FCHSD2: variants seen among roughly 807,000 people sequenced by gnomAD.
The protein encoded by FCHSD2 is FCH and double SH3 domains 2.
A neutral mutation model predicts 108.1 loss-of-function variants in FCHSD2; 38 were observed. That is an observed-to-expected ratio of 0.35 (90% confidence interval 0.27 to 0.46). The LOEUF (loss-of-function observed/expected upper bound fraction) is 0.46, where lower values mean the gene tolerates loss of function less well. Ranked by LOEUF, FCHSD2 falls within the 20% of genes least tolerant of loss-of-function variation. The probability of loss-of-function intolerance (pLI) is 1.00; values close to 1 mark genes in which losing one functional copy is unlikely to be tolerated. For synonymous variants in FCHSD2, 279 were observed against 314.7 expected, an observed-to-expected ratio of 0.89 and a Z score of 1.20; for missense variants, 751 against 897.8, an observed-to-expected ratio of 0.84 and a Z score of 2.09.
chr11:73,006,751 T>C (rs1034144130), intron 4 of FCHSD2, among the ~76,000 whole-genome samples: 1 of 152,270 alleles, frequency 6.6e-6, no homozygotes, highest in African/African-American at 2.4e-5. Context: ...TGTTTACTGT[T>C]TGTCTTCCCT....
intron 10 of FCHSD2, among the ~76,000 whole-genome samples, chr11:72,893,516 A>G (rs1194249273): frequency 1.3e-5 from 2 of 151,562 alleles, no homozygotes; most frequent in Non-Finnish European, 2.9e-5. Context: ...AGATCTCACT[A>G]TGTTGCCTAG....
chr11:72,849,131 C>T (rs1861221405), intron 14 of FCHSD2, among the ~76,000 whole-genome samples: 1 of 152,174 alleles, frequency 6.6e-6, no homozygotes, highest in Non-Finnish European at 1.5e-5. Context: ...CCAGGACCTT[C>T]CCTTCTGATA....
intron 2 of FCHSD2, among the ~76,000 whole-genome samples, chr11:73,130,476 T>C (rs752165237): frequency 6.6e-6 from 1 of 152,180 alleles, no homozygotes; most frequent in Non-Finnish European, 1.5e-5. Context: ...TTCAGGAGAG[T>C]ATCCTCTATT....
In FCHSD2 at chr11:72,962,828, T is replaced by C. The variant is rs545935555; in HGVS notation, c.705+21260A>G. 9.9e-5 allele frequency among the ~76,000 whole-genome samples: 15 copies of C among 152,104 alleles called. No individual in the cohort carries two copies. The South Asian group carries it at 1.0e-3, about 11-fold the overall frequency. On this transcript the variant is annotated intron_variant, in intron 8 of 19. Transcript: ENST00000409418. Reference sequence around the variant, plus strand: ...ATTTTTTTTAAGCAATTAGAGTCAATAGATTACAGAACTGCCACAAAAGTT... The same window carrying C: ...ATTTTTTTTAAGCAATTAGAGTCAACAGATTACAGAACTGCCACAAAAGTT...
intron 5 of FCHSD2, among the ~76,000 whole-genome samples, chr11:72,993,653 C>A (rs556042463): frequency 6.6e-6 from 1 of 151,002 alleles, no homozygotes; most frequent in Non-Finnish European, 1.5e-5. Flanking sequence ...CAGACTATCG[C>A]AAGGACAAAA....
intron 5 of FCHSD2, among the ~76,000 whole-genome samples, chr11:72,995,217 A>G (rs1857497870): frequency 6.6e-6 from 1 of 152,168 alleles, no homozygotes; most frequent in Non-Finnish European, 1.5e-5. Flanking sequence ...GTAAGCTTTT[A>G]TCTTGCAGAA....
intron 10 of FCHSD2, among the ~76,000 whole-genome samples, chr11:72,893,009 A>C (rs1855349112): frequency 6.8e-6 from 1 of 146,644 alleles, no homozygotes; most frequent in South Asian, 2.2e-4. Flanking sequence ...TTTTATTTTT[A>C]ATTTTTTGAG....
intron 9 of FCHSD2, among the ~76,000 whole-genome samples, chr11:72,910,762 C>T (rs1232646998): frequency 6.7e-6 from 1 of 150,062 alleles, no homozygotes; most frequent in Non-Finnish European, 1.5e-5. Context: ...CTTCTCTCCA[C>T]TATTATCCTA....
chr11:73,130,186 T>C (rs2135570611), intron 2 of FCHSD2, among the ~76,000 whole-genome samples: 1 of 152,256 alleles, frequency 6.6e-6, no homozygotes, highest in East Asian at 1.9e-4. Flanking sequence ...TAATCTCTTA[T>C]ATTTATATAC....
chr11:73,050,477 A>G (rs1216431406), intron 3 of FCHSD2, among the ~76,000 whole-genome samples: 1 of 152,228 alleles, frequency 6.6e-6, no homozygotes, highest in Admixed American at 6.5e-5. Flanking sequence ...CTTTATCACA[A>G]TGGATTTGAG....
rs1211277328 is a variant in FCHSD2, at chr11:72,878,101, A to G, written c.1146+9369T>C. Among the ~76,000 whole-genome samples, 3 of 152,122 alleles carry G rather than the reference A, an allele frequency of 2.0e-5. No individual in the cohort carries two copies. The East Asian group carries it at 5.8e-4, about 29-fold the overall frequency. On this transcript the variant is annotated intron_variant, in intron 12 of 19. Coordinates refer to ENST00000409418, the MANE Select transcript of FCHSD2 (RefSeq NM_014824.3). ...AGAACATAAATAAATGTAAAATCAA[A>G]GAAATCAAATAAGTTCAATAAAATC...
chr11:73,128,602 G>A (rs1281892705), intron 2 of FCHSD2, among the ~76,000 whole-genome samples: 1 of 152,176 alleles, frequency 6.6e-6, no homozygotes. Context: ...GAGAAAGGTA[G>A]GAAAAATTTG....
chr11:72,845,450 A>C (rs981723013), intron 14 of FCHSD2, among the ~76,000 whole-genome samples: 1 of 47,912 alleles, frequency 2.1e-5, no homozygotes, highest in African/African-American at 5.7e-5. Context: ...AAAAAAAAAA[A>C]AAAAAAAAAA....
intron 9 of FCHSD2, among the ~76,000 whole-genome samples, chr11:72,913,708 C>A (rs1044169510): frequency 2.6e-5 from 4 of 151,628 alleles, no homozygotes; most frequent in Non-Finnish European, 5.9e-5. Context: ...TGGTTATTCT[C>A]TTTTTTTCCT....
intron 4 of FCHSD2, among the ~76,000 whole-genome samples, chr11:73,011,108 G>A (rs1857854268): frequency 6.6e-6 from 1 of 152,168 alleles, no homozygotes; most frequent in Non-Finnish European, 1.5e-5. Flanking sequence ...TGCCAATGGT[G>A]GTAGAATGTG....
intron 2 of FCHSD2, among the ~76,000 whole-genome samples, chr11:73,136,973 A>C (rs1176358468): frequency 3.3e-5 from 5 of 152,208 alleles, no homozygotes. Context: ...GGTTGCAGTA[A>C]GCTGAGATTG....
intron 3 of FCHSD2, among the ~76,000 whole-genome samples, chr11:73,032,261 C>T (rs1858378231): frequency 6.6e-6 from 1 of 152,138 alleles, no homozygotes; most frequent in African/African-American, 2.4e-5. Flanking sequence ...TGGGGTCTCA[C>T]TCTGTTGCCC....
intron 9 of FCHSD2, among the ~76,000 whole-genome samples, chr11:72,920,001 A>G (rs1855948087): frequency 6.6e-6 from 1 of 152,110 alleles, no homozygotes; most frequent in African/African-American, 2.4e-5. Flanking sequence ...GCAGAAAGAC[A>G]CTTTTTTAAA....
At chr11:72,970,367 T>C (rs557683640) in intron 8 of FCHSD2, among the ~76,000 whole-genome samples, 1 of 152,204 alleles carries the variant, frequency 6.6e-6, no homozygotes, top group Admixed American at 6.5e-5. Flanking sequence ...TTGTCTTTTA[T>C]CTAAAAGCCC....
Sources: gnomAD v4.1 joint callset for allele counts (sites outside exome capture counted in the v4.1 genomes callset) on GRCh38, gnomAD v4.1.1 for gene constraint, MANE v1.5 for transcripts, NCBI Gene and HGNC (gene_info 2026-07-23, HGNC 2026-07-21) for gene names.